Variants in COL6A6 observed in about 807,000 individuals in gnomAD.
COL6A6 encodes collagen type VI alpha 6 chain.
A neutral mutation model predicts 208.6 loss-of-function variants in COL6A6; 183 were observed. The observed-to-expected ratio is 0.88, with a 90% CI of 0.78 to 0.99. COL6A6 has a LOEUF of 0.99. COL6A6 is among the 50% of genes least tolerant of loss of function. The pLI is 0.00. For missense variants in COL6A6, 2,816 were observed against 2,815.2 expected, an observed-to-expected ratio of 1.00 and a Z score of -0.01; for synonymous variants, 973 against 1,011.8, an observed-to-expected ratio of 0.96 and a Z score of 0.73.
intron 23 of COL6A6, among the ~76,000 whole-genome samples, chr3:130,616,714 C>T (rs1576337621): frequency 3.3e-5 from 5 of 151,966 alleles, no homozygotes; most frequent in Admixed American, 2.0e-4. Context: ...GTTTGGAGTC[C>T]GGAGTAGAAT....
In COL6A6 at chr3:130,635,721, G is replaced by C. The variant is rs1482954745; in HGVS notation, c.5051G>C (p.Gly1684Ala). ...GPKGEIGDPG[G>A]PGETGLKGAR... ...TAGGGTGAGATTGGGGACCCTGGTG[G>C]TCCAGGAGAGACTGGGCTGAAGGGA... Residue 1684 changes from glycine to alanine, a missense_variant, in exon 28 of 37, where the codon GGT (glycine) becomes GCT (alanine). Physicochemically the swap from Gly to Ala is moderately conservative, Grantham distance 60 (BLOSUM62 0). Coordinates refer to ENST00000358511, the MANE Select transcript of COL6A6 (RefSeq NM_001102608.3). The C allele has an allele frequency of 1.9e-6, 3 of 1,611,434 alleles. No homozygotes were observed. The highest frequency in any genetic ancestry group is 2.5e-6 in the Non-Finnish European group (3 of 1,177,834).
At chr3:130,554,793 C>T (rs1473618460) in intron 1 of COL6A6, among the ~76,000 whole-genome samples, 1 of 152,100 alleles carries the variant, frequency 6.6e-6, no homozygotes, top group Non-Finnish European at 1.5e-5. Context: ...GTAAAGAAAG[C>T]AACATGGGAG....
rs146837236 is a variant in COL6A6 at position 130,545,021 on chromosome 3, G to T, written c.-31-15313G>T. Among the ~76,000 whole-genome samples, 26 of 152,230 alleles carry T rather than the reference G, an allele frequency of 1.7e-4. No individual in the cohort carries two copies. In the East Asian group the frequency reaches 4.8e-3, roughly 28 times the overall value. On this transcript the variant is annotated intron_variant, in intron 1 of 36. Transcript: ENST00000358511. ...CTGTGCTGAAACATTTTAGTTTGAT[G>T]TATGCCCATCTATTTTTTATTTATT... is the stretch of plus-strand genomic sequence containing the variant.
chr3:130,614,372 G>A (rs2064448919), intron 23 of COL6A6, among the ~76,000 whole-genome samples: 5 of 152,114 alleles, frequency 3.3e-5, no homozygotes, highest in Non-Finnish European at 1.5e-5. Context: ...CTTGATTGTG[G>A]TGAATTAGCT....
At position 130,566,985 on chromosome 3, in the gene COL6A6, A is replaced by G. The variant is rs2063041189; in HGVS notation, c.1566A>G (p.Thr522=). The G allele has an allele frequency of 2.5e-6, 4 of 1,613,936 alleles. No homozygotes were observed. Among genetic ancestry groups the G allele is most frequent in the Non-Finnish European group, 3.4e-6 (4 of 1,179,900 alleles). ...ACACAGGCGCAGCACTGAATTTCAC[A>G]CTGAGTCTGTTGCAAAAAGCAAAGA... ...NTNTGAALNF[T]LSLLQKAKKQ... is the part of the protein sequence containing the mutation. Residue 522 remains threonine (T), a synonymous_variant, in exon 5 of 37, where the codon ACA becomes ACG. Transcript: ENST00000358511.
chr3:130,634,238 TAAATA>T lies in COL6A6; in HGVS notation c.4993-348_4993-344del, dbSNP rs1235745808. ...ATAAATAAATAAATAAATAAATAAA[TAAATA>T]AAAAAAAAAAAAAAAAAAAAAAAGA... On this transcript the variant is annotated intron_variant, in intron 26 of 36. Transcript: ENST00000358511. 1.8e-3 allele frequency among the ~76,000 whole-genome samples: 29 copies of T among 16,198 alleles called. No individual in the cohort carries two copies. In the East Asian group the frequency reaches 0.02, roughly 11 times the overall value. The allele number at this position is 16,198 out of a possible 152,430, so 10.6% of individuals were successfully genotyped here. A position where few individuals can be genotyped will look rare whatever the true frequency, so the allele number is the denominator to read the frequency against.
chr3:130,567,235 G>A lies in COL6A6; in HGVS notation c.1816G>A (p.Val606Ile). ...FDALKDIRNQ[V>I]VQEICTEEAC... Reference sequence around the variant, plus strand: ...TGCATTGAAAGACATAAGAAACCAAGTTGTTCAAGAAATCTGTACTGAAGA... The same window carrying A: ...TGCATTGAAAGACATAAGAAACCAAATTGTTCAAGAAATCTGTACTGAAGA... Residue 606 changes from valine (V) to isoleucine (I), a missense_variant, in exon 5 of 37, where the codon GTT (valine) becomes ATT (isoleucine). By Grantham distance (29) the Val-to-Ile change is conservative (BLOSUM62 3). Coordinates refer to ENST00000358511, the MANE Select transcript of COL6A6 (RefSeq NM_001102608.3). The A allele has an allele frequency of 6.2e-7, 1 of 1,611,488 alleles. No homozygotes were observed. Among genetic ancestry groups the A allele is most frequent in the Non-Finnish European group, 8.5e-7 (1 of 1,178,840 alleles).
At position 130,675,380 on chromosome 3, in the gene COL6A6, C is replaced by T. The variant is rs753657932; in HGVS notation, c.6775C>T (p.Pro2259Ser). The T allele has an allele frequency of 6.3e-7, 1 of 1,583,816 alleles. No homozygotes were observed. Among genetic ancestry groups the T allele is most frequent in the Non-Finnish European group, 8.6e-7 (1 of 1,165,870 alleles). Residue 2259 changes from proline to serine, a missense_variant, in exon 37 of 37, where the codon CCC becomes TCC. Coordinates refer to ENST00000358511, the MANE Select transcript of COL6A6 (RefSeq NM_001102608.3). ...FKNGRMIESA[P>S]KQHD ...GAATGGAAGGATGATAGAAAGTGCT[C>T]CCAAACAACATGATTAAAAAAATGC...
chr3:130,659,767 A>G (rs2065893258), intron 34 of COL6A6, among the ~76,000 whole-genome samples: 1 of 152,132 alleles, frequency 6.6e-6, no homozygotes. Context: ...AAAATGCTTG[A>G]TTTTTCTCCT....
Position 130,675,233 on chromosome 3 carries a change from AAAG to A in COL6A6, c.6633_6635del (p.Glu2211del), listed in dbSNP as rs986745851. On this transcript the variant is annotated inframe_deletion, in exon 37 of 37. Transcript: ENST00000358511. Reference sequence around the variant, plus strand: ...TCCTGGACCACTTAAAGCTACCCTCAAAGAAGATGTATTACAGAAGGCAAAATT... The same window carrying A: ...TCCTGGACCACTTAAAGCTACCCTCAAAGATGTATTACAGAAGGCAAAATT... The A allele has an allele frequency of 5.7e-6, 9 of 1,585,544 alleles. No homozygotes were observed. Among genetic ancestry groups the A allele is most frequent in the African/African-American group, 4.0e-5 (3 of 74,358 alleles).
chr3:130,522,729 A>C (rs540180843), intron 1 of COL6A6, among the ~76,000 whole-genome samples: 4 of 152,144 alleles, frequency 2.6e-5, no homozygotes, highest in Admixed American at 2.6e-4. Context: ...CCATCAGAAA[A>C]CTTTGAAGTA....
intron 1 of COL6A6, among the ~76,000 whole-genome samples, chr3:130,550,109 G>T (rs1055711469): frequency 3.3e-5 from 5 of 151,988 alleles, no homozygotes; most frequent in African/African-American, 1.2e-4. Context: ...TCTCATCTTG[G>T]ATGCTGTTAG....
rs776480582 is a variant in COL6A6, at chr3:130,565,285, A to C, written c.953A>C (p.Glu318Ala). Residue 318 changes from glutamate (E) to alanine (A), a missense_variant, in exon 4 of 37, where the codon GAA (glutamate) becomes GCA (alanine). Physicochemically the swap from Glu to Ala is moderately radical, Grantham distance 107. Coordinates refer to ENST00000358511, the MANE Select transcript of COL6A6 (RefSeq NM_001102608.3). Reference protein sequence around the residue: ...TGAAIKKLRKEVFSARNGSRK... With the variant: ...TGAAIKKLRKAVFSARNGSRK... ...GCTGCCATCAAAAAGCTCAGGAAGG[A>C]AGTTTTTAGTGCACGGAATGGCAGT... 2 of 1,614,002 alleles carry C rather than the reference A, an allele frequency of 1.2e-6. No homozygotes were observed. The highest frequency in any genetic ancestry group is 2.2e-5 in the South Asian group (2 of 91,078).
intron 28 of COL6A6, among the ~76,000 whole-genome samples, chr3:130,640,336 C>A (rs1212503159): frequency 6.7e-6 from 1 of 150,106 alleles, no homozygotes; most frequent in Non-Finnish European, 1.5e-5. Flanking sequence ...CTGTCATCTC[C>A]TTTTTCATTC....
intron 33 of COL6A6, among the ~76,000 whole-genome samples, chr3:130,649,791 A>G (rs924335061): frequency 6.6e-6 from 1 of 152,218 alleles, no homozygotes; most frequent in African/African-American, 2.4e-5. Flanking sequence ...CACAAGTAGT[A>G]TGTATAAAAT....
chr3:130,593,122 C>T lies in COL6A6; in HGVS notation c.4416+17C>T. On this transcript the variant is annotated intron_variant, in intron 16 of 36. Transcript: ENST00000358511. ...GGAGAACAGGTAGAGCCTTCTTGTA[C>T]CATAGAGACCCTTCTGAGCTATTTA... 6.2e-7 allele frequency: 1 copy of T among 1,612,702 alleles called. No individual in the cohort carries two copies. The highest frequency in any genetic ancestry group is 8.5e-7 in the Non-Finnish European group (1 of 1,178,798).
chr3:130,560,117 CT>C (rs1178896471), intron 1 of COL6A6, among the ~76,000 whole-genome samples: 2 of 152,122 alleles, frequency 1.3e-5, no homozygotes, highest in East Asian at 3.9e-4. Flanking sequence ...TTTCATGTTT[CT>C]ACTAGGTCTG....
intron 18 of COL6A6, among the ~76,000 whole-genome samples, chr3:130,596,985 C>G (rs926563076): frequency 2.0e-5 from 3 of 152,124 alleles, no homozygotes; most frequent in Non-Finnish European, 2.9e-5. Flanking sequence ...AAGACTAAAT[C>G]GGTTCAGATT....
intron 18 of COL6A6, among the ~76,000 whole-genome samples, chr3:130,596,344 C>T (rs1219567636): frequency 2.0e-5 from 3 of 152,186 alleles, no homozygotes; most frequent in African/African-American, 7.2e-5. Context: ...TATATAACCT[C>T]CACTGATTTT....
Sources: gnomAD v4.1 joint callset for allele counts (sites outside exome capture counted in the v4.1 genomes callset) on GRCh38, gnomAD v4.1.1 for gene constraint, MANE v1.5 for transcripts, NCBI Gene and HGNC (gene_info 2026-07-23, HGNC 2026-07-21) for gene names.